Variants in TENM3 observed in about 807,000 individuals in gnomAD.
The protein encoded by TENM3 is teneurin-3.
In TENM3, 63 loss-of-function variants were observed where a neutral mutation model predicts 255.1. The ratio of observed to expected loss-of-function variants is 0.25; its 90% CI spans 0.20 to 0.30. The LOEUF (loss-of-function observed/expected upper bound fraction) is 0.30, where lower values mean the gene tolerates loss of function less well. Among genes scored for constraint, TENM3 ranks in the 10% least tolerant of loss-of-function variants. The probability of loss-of-function intolerance (pLI) is 1.00; values close to 1 mark genes in which losing one functional copy is unlikely to be tolerated. For missense variants in TENM3, 2,929 were observed against 3,461.1 expected (o/e 0.85, Z 3.86); for synonymous variants, 1,306 against 1,322.3 (o/e 0.99, Z 0.27).
chr4:182,068,378 A>T, the TENM3 span, among the ~76,000 whole-genome samples: 1 of 140,154 alleles, frequency 7.1e-6, no homozygotes, highest in South Asian at 2.3e-4. Flanking sequence ...TTTATTTTTT[A>T]AAGTTAAAAA....
intron 12 of TENM3, among the ~76,000 whole-genome samples, chr4:182,712,669 T>G (rs1758840442): frequency 6.6e-6 from 1 of 152,144 alleles, no homozygotes; most frequent in Admixed American, 6.6e-5. Flanking sequence ...GATATTTTCT[T>G]TTCAAGTTCC....
the TENM3 span, among the ~76,000 whole-genome samples, chr4:181,844,790 A>G: frequency 6.6e-6 from 1 of 152,232 alleles, no homozygotes; most frequent in Non-Finnish European, 1.5e-5. Context: ...CTTCGGGGTA[A>G]GTGGAATCTC....
chr4:182,088,364 G>A, the TENM3 span, among the ~76,000 whole-genome samples: 1 of 152,088 alleles, frequency 6.6e-6, no homozygotes, highest in African/African-American at 2.4e-5. Flanking sequence ...GTCACCCAGA[G>A]GTTCCTTCAA....
chr4:181,528,193 C>T, the TENM3 span, among the ~76,000 whole-genome samples: 5 of 151,830 alleles, frequency 3.3e-5, no homozygotes, highest in Admixed American at 2.0e-4. Context: ...GTATATTGGA[C>T]GTTTACTTTT....
chr4:182,726,240 G>A (rs953703916), intron 13 of TENM3, among the ~76,000 whole-genome samples: 1 of 152,100 alleles, frequency 6.6e-6, no homozygotes, highest in African/African-American at 2.4e-5. Flanking sequence ...AAATAGTGAA[G>A]AGATTTTTAG....
chr4:182,281,246 T>C (rs1035157813), intron 1 of TENM3, among the ~76,000 whole-genome samples: 28 of 152,230 alleles, frequency 1.8e-4, no homozygotes, highest in Non-Finnish European at 1.5e-5. Context: ...TTTAGAAATA[T>C]TTAATACTAT....
chr4:182,008,567 A>G, the TENM3 span, among the ~76,000 whole-genome samples: 1 of 151,838 alleles, frequency 6.6e-6, no homozygotes, highest in Admixed American at 6.6e-5. Flanking sequence ...TTCTCGTGCT[A>G]TGTTTTTCAG....
At chr4:181,454,217 A>C in the TENM3 span, among the ~76,000 whole-genome samples, 21 of 152,098 alleles carry the variant, frequency 1.4e-4, no homozygotes, top group Non-Finnish European at 2.5e-4. Flanking sequence ...CCTGCCCTAT[A>C]ACATTCTACA....
the TENM3 span, among the ~76,000 whole-genome samples, chr4:181,887,021 A>AAAT: frequency 2.0e-4 from 31 of 152,252 alleles, no homozygotes; most frequent in Middle Eastern, 3.4e-3. Context: ...AGAACCCAGC[A>AAAT]AATACTTTAA....
intron 6 of TENM3, among the ~76,000 whole-genome samples, chr4:182,661,691 G>A (rs1212760549): frequency 6.6e-6 from 1 of 152,162 alleles, no homozygotes; most frequent in Non-Finnish European, 1.5e-5. Context: ...CAAAGCCAGG[G>A]TATGAATCCA....
chr4:182,752,383 C>A (rs1228449900), intron 20 of TENM3, among the ~76,000 whole-genome samples: 1 of 152,136 alleles, frequency 6.6e-6, no homozygotes, highest in Non-Finnish European at 1.5e-5. Context: ...CCTGGAATTT[C>A]TTTGTCATGA....
chr4:181,564,121 A>T, the TENM3 span, among the ~76,000 whole-genome samples: 1 of 147,444 alleles, frequency 6.8e-6, no homozygotes, highest in African/African-American at 2.5e-5. Flanking sequence ...GCTCACTGCA[A>T]CCTCTGCCTC....
At chr4:182,062,146 C>G in the TENM3 span, among the ~76,000 whole-genome samples, 1 of 152,054 alleles carries the variant, frequency 6.6e-6, no homozygotes, top group Non-Finnish European at 1.5e-5. Context: ...GAGATGCAAT[C>G]AAACACACGC....
upstream of TENM3, among the ~76,000 whole-genome samples, chr4:182,239,827 T>TATC (rs1757128522): frequency 6.6e-6 from 1 of 152,190 alleles, no homozygotes; most frequent in Non-Finnish European, 1.5e-5. Flanking sequence ...TCATTACACC[T>TATC]ATCTGATTAT....
the TENM3 span, among the ~76,000 whole-genome samples, chr4:181,456,169 GTGTATATA>G: frequency 2.9e-5 from 4 of 138,260 alleles, no homozygotes; most frequent in South Asian, 2.2e-4. Context: ...ACACATGTGT[GTGTATATA>G]TGTATATATG....
chr4:181,782,728 G>T, the TENM3 span, among the ~76,000 whole-genome samples: 1 of 152,090 alleles, frequency 6.6e-6, no homozygotes, highest in African/African-American at 2.4e-5. Context: ...GTCAATTTTA[G>T]ATCTTTCCTG....
chr4:181,844,261 TG>T, the TENM3 span, among the ~76,000 whole-genome samples: 2 of 152,238 alleles, frequency 1.3e-5, no homozygotes, highest in South Asian at 4.1e-4. Context: ...GTATGAACTT[TG>T]GGGGGACACA....
At chr4:182,161,192 G>A (rs1579549077) in intron 1 of TENM3, among the ~76,000 whole-genome samples, 1 of 141,306 alleles carries the variant, frequency 7.1e-6, no homozygotes, top group Admixed American at 7.2e-5. Context: ...CGAGGCGGGC[G>A]GATCACGAGG....
intron 1 of TENM3, among the ~76,000 whole-genome samples, chr4:182,167,151 C>G (rs1442932893): frequency 6.6e-6 from 1 of 152,112 alleles, no homozygotes; most frequent in Non-Finnish European, 1.5e-5. Context: ...TTTGCTGGTG[C>G]TCAAGCTAAC....
Sources: gnomAD v4.1 joint callset for allele counts (sites outside exome capture counted in the v4.1 genomes callset) on GRCh38, gnomAD v4.1.1 for gene constraint, MANE v1.5 for transcripts, NCBI Gene and HGNC (gene_info 2026-07-23, HGNC 2026-07-21) for gene names.